Variants in COG5 observed in about 807,000 individuals in gnomAD.
COG5 encodes the protein component of oligomeric golgi complex 5, also known as conserved oligomeric Golgi complex subunit 5.
A neutral mutation model predicts 110.4 loss-of-function variants in COG5; 86 were observed. The ratio of observed to expected loss-of-function variants is 0.78; its 90% CI spans 0.65 to 0.93. The LOEUF is 0.93. Ranked by LOEUF, COG5 falls within the 40% of genes least tolerant of loss-of-function variation. The pLI is 0.00. For synonymous variants in COG5, 360 were observed against 334.6 expected (o/e 1.08, Z -0.83); for missense variants, 1,077 against 987.0 (o/e 1.09, Z -1.22).
At chr7:107,278,398 T>C (rs1804876667) in intron 14 of COG5, among the ~76,000 whole-genome samples, 1 of 152,152 alleles carries the variant, frequency 6.6e-6, no homozygotes, top group Non-Finnish European at 1.5e-5. Context: ...ATTAGGTATT[T>C]CTCCTAATGC....
At position 107,202,922 on chromosome 7, in the gene COG5, A is replaced by C. The variant is rs905577615; in HGVS notation, c.*594T>G. 30 of 153,002 alleles carry C rather than the reference A, an allele frequency of 2.0e-4. No individual in the cohort carries two copies. Among genetic ancestry groups the C allele is most frequent in the Admixed American group, 7.8e-4 (12 of 15,416 alleles). 9.5% of individuals were successfully genotyped at this position (153,002 alleles called of 1,614,324 possible). ...ATTTAACCTTGTATCTTAGCTTGGG[A>C]TGTGCCAGTGGTTCCTCAACTTTGT... On this transcript the variant is annotated 3_prime_UTR_variant, in exon 22 of 22. Transcript: ENST00000297135.
chr7:107,476,828 A>G (rs759700665), intron 6 of COG5, among the ~76,000 whole-genome samples: 23 of 151,714 alleles, frequency 1.5e-4, no homozygotes, highest in Non-Finnish European at 3.1e-4. Flanking sequence ...TCAATAATAT[A>G]TCACTTTTAT....
At chr7:107,409,255 GGA>G (rs1792096731) in intron 7 of COG5, among the ~76,000 whole-genome samples, 1 of 148,152 alleles carries the variant, frequency 6.7e-6, no homozygotes, top group Non-Finnish European at 1.5e-5. Flanking sequence ...AAAGAAAACA[GGA>G]GAGATTGAGA....
Position 107,300,055 on chromosome 7 carries a change from T to C in COG5, c.1109-1709A>G, listed in dbSNP as rs370064413. On this transcript the variant is annotated intron_variant, in intron 11 of 21. Coordinates refer to ENST00000297135, the MANE Select transcript of COG5 (RefSeq NM_006348.5). Reference sequence around the variant, plus strand: ...TCTGAAAATCAATCAATGTGATTCATATTTTAACAAACTTAAAAGAAAAAG... The same window carrying C: ...TCTGAAAATCAATCAATGTGATTCACATTTTAACAAACTTAAAAGAAAAAG... Among the ~76,000 whole-genome samples the C allele has an allele frequency of 9.2e-5, 14 of 151,748 alleles. No individual in the cohort carries two copies. In the East Asian group the frequency reaches 1.7e-3, roughly 19 times the overall value.
chr7:107,452,907 T>C (rs1778220117), intron 6 of COG5, among the ~76,000 whole-genome samples: 1 of 152,206 alleles, frequency 6.6e-6, no homozygotes, highest in Non-Finnish European at 1.5e-5. Flanking sequence ...ATCTAGTTTA[T>C]CCACTTCCTC....
At chr7:107,356,402 T>C (rs1812628766) in intron 10 of COG5, among the ~76,000 whole-genome samples, 1 of 152,230 alleles carries the variant, frequency 6.6e-6, no homozygotes, top group South Asian at 2.1e-4. Flanking sequence ...TACAGACTAC[T>C]GCTTGTACAA....
At chr7:107,227,549 C>T (rs1800439491) in intron 19 of COG5, among the ~76,000 whole-genome samples, 1 of 151,556 alleles carries the variant, frequency 6.6e-6, no homozygotes, top group Non-Finnish European at 1.5e-5. Context: ...AAAGGGTTGG[C>T]AGAAAATTTC....
chr7:107,433,606 A>C (rs937355476), intron 6 of COG5, among the ~76,000 whole-genome samples: 3 of 152,212 alleles, frequency 2.0e-5, no homozygotes, highest in African/African-American at 4.8e-5. Context: ...TGGTGGTGGG[A>C]AAACTGGATA....
At chr7:107,510,577 T>C (rs185602818) in intron 6 of COG5, among the ~76,000 whole-genome samples, 3,996 of 152,192 alleles carry the variant, frequency 0.026, 171 homozygotes, top group African/African-American at 0.09. Flanking sequence ...CTCTCCACCC[T>C]AAATCAACAG....
chr7:107,494,065 G>A (rs773131502), intron 6 of COG5, among the ~76,000 whole-genome samples: 6 of 151,928 alleles, frequency 3.9e-5, no homozygotes, highest in Non-Finnish European at 7.4e-5. Flanking sequence ...TCTTATATCC[G>A]TTTGTTCTTT....
intron 6 of COG5, among the ~76,000 whole-genome samples, chr7:107,482,141 CTT>C (rs11345354): frequency 2.7e-5 from 4 of 146,154 alleles, no homozygotes. Flanking sequence ...AAAAAAAAAT[CTT>C]TTTTTTTTTG....
At chr7:107,551,877 G>T (rs1307921332) in intron 3 of COG5, among the ~76,000 whole-genome samples, 3 of 152,176 alleles carry the variant, frequency 2.0e-5, no homozygotes, top group African/African-American at 7.2e-5. Context: ...TGGCCTCCCA[G>T]AGTGCTGGGA....
intron 5 of COG5, among the ~76,000 whole-genome samples, chr7:107,538,647 A>C (rs1001453573): frequency 6.6e-6 from 1 of 152,194 alleles, no homozygotes; most frequent in Non-Finnish European, 1.5e-5. Context: ...TAATAATGGA[A>C]AACAGTCCAG....
intron 20 of COG5, 67 bp from the exon 21 acceptor site, chr7:107,210,672 G>A: frequency 6.7e-7 from 1 of 1,497,506 alleles, no homozygotes; most frequent in Non-Finnish European, 9.1e-7. Flanking sequence ...GCAAGTGCTG[G>A]TTCGAAAAGC....
intron 21 of COG5, chr7:107,209,399 A>G: frequency 4.2e-6 from 1 of 237,310 alleles, no homozygotes; most frequent in Non-Finnish European, 6.9e-6. Context: ...TATTTTGACC[A>G]TTCTGGGGTT....
chr7:107,483,496 G>A (rs1797467661), intron 6 of COG5, among the ~76,000 whole-genome samples: 1 of 151,948 alleles, frequency 6.6e-6, no homozygotes, highest in African/African-American at 2.4e-5. Flanking sequence ...ACCTGAGGTT[G>A]GGAGTTCGAG....
intron 6 of COG5, among the ~76,000 whole-genome samples, chr7:107,492,168 A>AGTGTGTGTGTGTGT (rs61526384): frequency 0.069 from 9,798 of 141,566 alleles, 453 homozygotes; most frequent in Non-Finnish European, 0.095. Flanking sequence ...AACAATGGGT[A>AGTGTGTGTGTGTGT]GTGTGTGTGT....
At position 107,255,569 on chromosome 7, in the gene COG5, C is replaced by T. The variant is rs1020872833; in HGVS notation, c.1749+1163G>A. On this transcript the variant is annotated intron_variant, in intron 16 of 21. Transcript: ENST00000297135. ...TCTGATTGTTCTTTCCTTGTTTGCT[C>T]TTTTCTCTAAATATGTGTTTCTCCA... is the stretch of plus-strand genomic sequence containing the variant. 3.3e-5 allele frequency among the ~76,000 whole-genome samples: 5 copies of T among 152,008 alleles called. No homozygotes were observed. The East Asian group carries it at 9.6e-4, about 29-fold the overall frequency.
chr7:107,353,431 A>G (rs984864390), intron 10 of COG5, among the ~76,000 whole-genome samples: 1 of 151,312 alleles, frequency 6.6e-6, no homozygotes, highest in African/African-American at 2.4e-5. Context: ...TCTCAAAAAA[A>G]AAAAAAAAAA....
Sources: allele counts gnomAD v4.1 joint callset (sites outside exome capture counted in the v4.1 genomes callset), GRCh38; gene constraint gnomAD v4.1.1; transcripts MANE v1.5; gene names NCBI Gene and HGNC (gene_info 2026-07-23, HGNC 2026-07-21).